Variants in UPK3B observed in about 807,000 individuals in gnomAD.
The protein encoded by UPK3B is uroplakin 3B, also known as uroplakin-3b.
Under a neutral mutation model 27.6 loss-of-function variants are expected in UPK3B, and 21 were observed. The ratio of observed to expected loss-of-function variants is 0.76; its 90% CI spans 0.54 to 1.10. The LOEUF is 1.10. UPK3B is among the 50% of genes least tolerant of loss of function. UPK3B has a pLI of 0.00. For synonymous variants in UPK3B, 141 were observed against 162.3 expected (o/e 0.87, Z 1.00); for missense variants, 306 against 376.1 (o/e 0.81, Z 1.54).
rs200200225 is a variant in UPK3B at position 76,511,854 on chromosome 7, G to A, written c.433G>A (p.Ala145Thr). The A allele has an allele frequency of 4.5e-3, 6,534 of 1,450,798 alleles. 17 individuals are homozygous for A. The highest frequency in any genetic ancestry group is 5.5e-3 in the Admixed American group (209 of 37,838). 89.9% of individuals were successfully genotyped at this position (1,450,798 alleles called of 1,614,324 possible). Residue 145 changes from alanine (A) to threonine (T), a missense_variant, in exon 3 of 6, where the codon GCG (alanine) becomes ACG (threonine). Coordinates refer to ENST00000334348, the MANE Select transcript of UPK3B (RefSeq NM_001347684.2). Reference protein sequence around the residue: ...HGCHQQPFCNAPLPGPGPYRV... With the variant: ...HGCHQQPFCNTPLPGPGPYRV... ...CTGCCACCAGCAGCCCTTCTGCAAC[G>A]CGCCCCTCCCTGGCCCTGGACCCTA... is the stretch of plus-strand genomic sequence containing the variant.
intron 4 of UPK3B, 73 bp downstream of exon 4, chr7:76,513,236 CA>C: frequency 7.1e-7 from 1 of 1,408,366 alleles, no homozygotes; most frequent in Non-Finnish European, 9.9e-7. Context: ...CTGAGCTGGC[CA>C]CACCCCTGCT....
chr7:76,513,792 G>C (rs1269624432), intron 4 of UPK3B, among the ~76,000 whole-genome samples, 155 bp from the exon 5 acceptor site: 1 of 151,886 alleles, frequency 6.6e-6, no homozygotes, highest in African/African-American at 2.4e-5. Context: ...TCCCGAGGAA[G>C]AGGGACGGGG....
intron 4 of UPK3B, among the ~76,000 whole-genome samples, chr7:76,513,375 C>T (rs1040183257): frequency 2.6e-5 from 4 of 152,284 alleles, no homozygotes; most frequent in Admixed American, 1.3e-4. Context: ...CATCCGCAAG[C>T]GTTTGCCACA....
In UPK3B at chr7:76,516,511, G is replaced by A. The variant is rs1812726183; in HGVS notation, c.*1307G>A. 2 of 611,542 alleles carry A rather than the reference G, an allele frequency of 3.3e-6. 1 individual carries two copies. The highest frequency in any genetic ancestry group is 3.8e-6 in the Non-Finnish European group (2 of 529,840). 37.9% of individuals were successfully genotyped at this position (611,542 alleles called of 1,614,324 possible). A position where few individuals can be genotyped will look rare whatever the true frequency, so the allele number is the denominator to read the frequency against. ...CCCTCTTTGGAGGTGAATAAATGCG[G>A]TCTGGAGCCCACCCTGGCCTGAATG... is the stretch of plus-strand genomic sequence containing the variant. On this transcript the variant is annotated 3_prime_UTR_variant, in exon 6 of 6. Coordinates refer to ENST00000334348, the MANE Select transcript of UPK3B (RefSeq NM_001347684.2).
At chr7:76,513,807 G>T in intron 4 of UPK3B, 140 bp from the exon 5 acceptor site, 1 of 1,261,762 alleles carries the variant, frequency 7.9e-7, no homozygotes, top group Non-Finnish European at 1.1e-6. Context: ...ACGGGGGGTG[G>T]GATCAGGGGG....
chr7:76,514,072 C>A lies in UPK3B; in HGVS notation c.667C>A (p.Arg223Ser). Residue 223 changes from arginine to serine, a missense_variant, in exon 5 of 6, where the codon CGC becomes AGC. This residue lies in a region of UPK3B where 174 missense variants were observed against 166.6 expected (regional missense o/e 1.04). Coordinates refer to ENST00000334348, the MANE Select transcript of UPK3B (RefSeq NM_001347684.2). ...LLAFLAASTM[R>S]FSSLWWPEEA... is the part of the protein sequence containing the mutation. ...GGCCTTCTTGGCAGCCTCTACCATG[C>A]GCTTGTGAGTGGGGACACCCCCTCG... is the stretch of plus-strand genomic sequence containing the variant. 2 of 1,614,008 alleles carry A rather than the reference C, an allele frequency of 1.2e-6. No individual in the cohort carries two copies. Among genetic ancestry groups the A allele is most frequent in the South Asian group, 1.1e-5 (1 of 91,084 alleles).
rs1438505394 is a variant in UPK3B at position 76,515,580 on chromosome 7, G to A, written c.*376G>A. ...CAGACCCTGGGAGGAGGCCTGCAGA[G>A]GACTGTGCTTTGCCTGATGCAGGGA... On this transcript the variant is annotated 3_prime_UTR_variant, in exon 6 of 6. Coordinates refer to ENST00000334348, the MANE Select transcript of UPK3B (RefSeq NM_001347684.2). 34 of 677,874 alleles carry A rather than the reference G, an allele frequency of 5.0e-5. 14 individuals are homozygous for A. Among genetic ancestry groups the A allele is most frequent in the African/African-American group, 4.3e-5 (1 of 23,080 alleles). 42.0% of individuals were successfully genotyped at this position (677,874 alleles called of 1,614,324 possible).
In UPK3B at chr7:76,516,097, G is replaced by A; in HGVS notation, c.*893G>A. On this transcript the variant is annotated 3_prime_UTR_variant, in exon 6 of 6. Coordinates refer to ENST00000334348, the MANE Select transcript of UPK3B (RefSeq NM_001347684.2). ...CACAAGGCCGGTGGTTCCCGTCGTC[G>A]CCACTCGGGGTCGCCGGTGAGCCGC... 2 of 610,412 alleles carry A rather than the reference G, an allele frequency of 3.3e-6. 1 individual carries two copies. Among genetic ancestry groups the A allele is most frequent in the Non-Finnish European group, 3.8e-6 (2 of 529,472 alleles). The allele number at this position is 610,412 out of a possible 1,614,324, so 37.8% of individuals were successfully genotyped here. A position where few individuals can be genotyped will look rare whatever the true frequency, so the allele number is the denominator to read the frequency against.
chr7:76,511,882 G>T lies in UPK3B; in HGVS notation c.461G>T (p.Arg154Leu), dbSNP rs955543336. The stretch of plus-strand genomic sequence containing the variant: ...CCCCTCCCTGGCCCTGGACCCTATC[G>T]GTGGGTGGTCCCCACCGGAGCCCTG... ...NAPLPGPGPYRVKFLLMDTRG... is the reference protein window; with the variant it reads ...NAPLPGPGPYLVKFLLMDTRG... The change falls in exon 3 of 6, where the codon CGG (arginine) becomes CTG (leucine). Residue 154 changes from arginine (R) to leucine (L), a missense_variant and splice_region_variant. Arg to Leu is a moderately radical substitution (Grantham distance 102). Transcript: ENST00000334348. 5 of 1,386,284 alleles carry T rather than the reference G, an allele frequency of 3.6e-6. No individual in the cohort carries two copies. In the African/African-American group the frequency reaches 4.4e-5, roughly 12 times the overall value. The allele number at this position is 1,386,284 out of a possible 1,614,324, so 85.9% of individuals were successfully genotyped here. A position where few individuals can be genotyped will look rare whatever the true frequency, so the allele number is the denominator to read the frequency against.
Position 76,510,739 on chromosome 7 carries a change from T to G in UPK3B, c.85+2T>G. 6.6e-7 allele frequency: 1 copy of G among 1,526,182 alleles called. No homozygotes were observed. Among genetic ancestry groups the G allele is most frequent in the African/African-American group, 1.4e-5 (1 of 72,394 alleles). 94.5% of individuals were successfully genotyped at this position (1,526,182 alleles called of 1,614,324 possible). A position where few individuals can be genotyped will look rare whatever the true frequency, so the allele number is the denominator to read the frequency against. On this transcript the variant is annotated splice_donor_variant, in intron 1 of 5. Coordinates refer to ENST00000334348, the MANE Select transcript of UPK3B (RefSeq NM_001347684.2). LOFTEE classifies it high-confidence loss of function. The stretch of plus-strand genomic sequence containing the variant: ...GTCTCCGGCCCAGCCTGAGCCTGGG[T>G]GAGTGGGGGTCCTGGATGGACGCGT...
rs1260275434 is a variant in UPK3B at position 76,515,101 on chromosome 7, T to A, written c.728T>A (p.Met243Lys). 1 of 1,601,522 alleles carries A rather than the reference T, an allele frequency of 6.2e-7. No individual in the cohort carries two copies. Among genetic ancestry groups the A allele is most frequent in the Non-Finnish European group, 8.5e-7 (1 of 1,175,304 alleles). The part of the protein sequence containing the change: ...APEQLRIGSF[M>K]GKRYMTHHIP... ...GAGCAGCTGCGGATCGGCTCCTTCA[T>A]GGGCAAGCGCTACATGACCCACCAC... is the stretch of plus-strand genomic sequence containing the variant. The change falls in exon 6 of 6, where the codon ATG (methionine) becomes AAG (lysine). Residue 243 changes from methionine (M) to lysine (K), a missense_variant. Around this residue, in one of 4 missense-constraint regions of UPK3B, gnomAD observed 174 missense variants for 166.6 expected, o/e 1.04. Coordinates refer to ENST00000334348, the MANE Select transcript of UPK3B (RefSeq NM_001347684.2).
At position 76,514,030 on chromosome 7, in the gene UPK3B, G is replaced by A; in HGVS notation, c.625G>A (p.Ala209Thr). 6.2e-7 allele frequency: 1 copy of A among 1,613,994 alleles called. No individual in the cohort carries two copies. The highest frequency in any genetic ancestry group is 8.5e-7 in the Non-Finnish European group (1 of 1,179,956). The change falls in exon 5 of 6, where the codon GCC becomes ACC. Residue 209 changes from alanine to threonine, a missense_variant. Around this residue, in one of 4 missense-constraint regions of UPK3B, gnomAD observed 174 missense variants for 166.6 expected, o/e 1.04. Coordinates refer to ENST00000334348, the MANE Select transcript of UPK3B (RefSeq NM_001347684.2). ...IVITSILSSL[A>T]GLLLLAFLAA... ...CATTACCTCCATCCTCTCTTCTCTG[G>A]CCGGCCTCCTACTCTTGGCCTTCTT... is the stretch of plus-strand genomic sequence containing the variant.
chr7:76,512,067 G>T (rs1812553128), intron 3 of UPK3B, among the ~76,000 whole-genome samples, 185 bp downstream of exon 3: 2 of 151,998 alleles, frequency 1.3e-5, no homozygotes, highest in East Asian at 3.9e-4. Flanking sequence ...CTGGGGCCGG[G>T]CAAGGCCCAG....
chr7:76,515,799 G>A lies in UPK3B; in HGVS notation c.*595G>A, dbSNP rs557279326. The A allele has an allele frequency of 3.3e-6, 2 of 612,486 alleles. 1 individual carries two copies. The highest frequency in any genetic ancestry group is 3.8e-6 in the Non-Finnish European group (2 of 530,758). The allele number at this position is 612,486 out of a possible 1,614,324, so 37.9% of individuals were successfully genotyped here. ...CACCTCCAACCCTCTTGTGCATATG[G>A]ATGGCTCTAGCCCTTATCCACCCCC... On this transcript the variant is annotated 3_prime_UTR_variant, in exon 6 of 6. Coordinates refer to ENST00000334348, the MANE Select transcript of UPK3B (RefSeq NM_001347684.2).
Position 76,515,350 on chromosome 7 carries a change from C to T in UPK3B, c.*146C>T. 6.7e-7 allele frequency: 1 copy of T among 1,499,034 alleles called. No individual in the cohort carries two copies. Among genetic ancestry groups the T allele is most frequent in the Non-Finnish European group, 8.9e-7 (1 of 1,124,596 alleles). 92.9% of individuals were successfully genotyped at this position (1,499,034 alleles called of 1,614,324 possible). A position where few individuals can be genotyped will look rare whatever the true frequency, so the allele number is the denominator to read the frequency against. On this transcript the variant is annotated 3_prime_UTR_variant, in exon 6 of 6. Coordinates refer to ENST00000334348, the MANE Select transcript of UPK3B (RefSeq NM_001347684.2). Reference sequence around the variant, plus strand: ...ACACCCCGTACCCTGCCTGGAATCCCAGCACCAGCCCCCCTGCCTCTCCTC... The same window carrying T: ...ACACCCCGTACCCTGCCTGGAATCCTAGCACCAGCCCCCCTGCCTCTCCTC...
chr7:76,514,023 T>C lies in UPK3B; in HGVS notation c.618T>C (p.Ser206=), dbSNP rs1237940247. ...TGATCGTCATTACCTCCATCCTCTC[T>C]TCTCTGGCCGGCCTCCTACTCTTGG... ...GSMIVITSIL[S]SLAGLLLLAF... Residue 206 remains serine (S), a synonymous_variant, in exon 5 of 6, where the codon TCT becomes TCC. Coordinates refer to ENST00000334348, the MANE Select transcript of UPK3B (RefSeq NM_001347684.2). 3 of 1,613,784 alleles carry C rather than the reference T, an allele frequency of 1.9e-6. No homozygotes were observed. Among genetic ancestry groups the C allele is most frequent in the Non-Finnish European group, 2.5e-6 (3 of 1,179,894 alleles).
chr7:76,510,990 G>C lies in UPK3B; in HGVS notation c.173G>C (p.Cys58Ser), dbSNP rs141065157. Reference protein sequence around the residue: ...ATTFSLEQPRCVFDGLASASD... With the variant: ...ATTFSLEQPRSVFDGLASASD... Reference sequence around the variant, plus strand: ...ACCTTCTCCCTGGAGCAGCCGCGCTGTGTCTTCGATGGGCTTGCCAGCGCC... The same window carrying C: ...ACCTTCTCCCTGGAGCAGCCGCGCTCTGTCTTCGATGGGCTTGCCAGCGCC... Residue 58 changes from cysteine to serine, a missense_variant, in exon 2 of 6, where the codon TGT becomes TCT. This residue lies in a region of UPK3B where 21 missense variants were observed against 58.4 expected (regional missense o/e 0.36). Coordinates refer to ENST00000334348, the MANE Select transcript of UPK3B (RefSeq NM_001347684.2). 13,843 of 1,590,814 alleles carry C rather than the reference G, an allele frequency of 8.7e-3. 76 individuals carry two copies. Among genetic ancestry groups the C allele is most frequent in the Non-Finnish European group, 9.9e-3 (11,554 of 1,169,576 alleles).
At chr7:76,511,174 A>G in intron 2 of UPK3B, 122 bp downstream of exon 2, 2 of 1,141,494 alleles carry the variant, frequency 1.8e-6, no homozygotes. Flanking sequence ...TTGGGAGAGT[A>G]GGTGTGGATG....
Position 76,513,966 on chromosome 7 carries a change from C to A in UPK3B, c.561C>A (p.Ile187=), listed in dbSNP as rs750478574. The change falls in exon 5 of 6, where the codon ATC becomes ATA. Residue 187 remains isoleucine (I), a synonymous_variant. Coordinates refer to ENST00000334348, the MANE Select transcript of UPK3B (RefSeq NM_001347684.2). Reference sequence around the variant, plus strand: ...GTGCAGGGAAGACCCCCGGATCCATCGACACCTGGCCAGGGCGGCGAAGTG... The same window carrying A: ...GTGCAGGGAAGACCCCCGGATCCATAGACACCTGGCCAGGGCGGCGAAGTG... ...TLHQGKTPGS[I]DTWPGRRSGS... 13 of 1,613,894 alleles carry A rather than the reference C, an allele frequency of 8.1e-6. No individual in the cohort carries two copies. In the Admixed American group the frequency reaches 1.5e-4, roughly 19 times the overall value.
Sources: allele counts gnomAD v4.1 joint callset (sites outside exome capture counted in the v4.1 genomes callset), GRCh38; gene constraint gnomAD v4.1.1; regional missense constraint gnomAD v4.1.1; transcripts MANE v1.5; gene names NCBI Gene and HGNC (gene_info 2026-07-23, HGNC 2026-07-21).